Variants in RSRC1 observed in about 807,000 individuals in gnomAD.
RSRC1 encodes serine/Arginine-related protein 53.
RSRC1 carries 39 observed loss-of-function variants against 49.1 expected under a neutral mutation model. The observed-to-expected ratio is 0.79, with a 90% confidence interval of 0.61 to 1.04. The LOEUF is 1.04. Among genes scored for constraint, RSRC1 ranks in the 50% least tolerant of loss-of-function variants. The pLI is 0.00. For synonymous variants in RSRC1, 143 were observed against 130.8 expected, an observed-to-expected ratio of 1.09 and a Z score of -0.63; for missense variants, 388 against 402.4, an observed-to-expected ratio of 0.96 and a Z score of 0.31.
At chr3:158,386,917 A>G (rs7648196) in intron 6 of RSRC1, among the ~76,000 whole-genome samples, 79,168 of 151,754 alleles carry the variant, frequency 0.52, 21,060 homozygotes, top group African/African-American at 0.61. Flanking sequence ...TGGAAATAAA[A>G]TGAATATTTT....
chr3:158,523,518 C>G (rs1711825769), intron 7 of RSRC1, among the ~76,000 whole-genome samples: 1 of 151,978 alleles, frequency 6.6e-6, no homozygotes, highest in Non-Finnish European at 1.5e-5. Flanking sequence ...ATGGAAGCTC[C>G]ATCAAGGTCT....
intron 3 of RSRC1, among the ~76,000 whole-genome samples, chr3:158,138,632 T>C (rs4318510): frequency 0.59 from 90,479 of 152,094 alleles, 27,158 homozygotes; most frequent in East Asian, 0.71. Flanking sequence ...CTTATTGTCA[T>C]AAGATTTCCT....
chr3:158,482,639 A>T (rs2108437766), intron 7 of RSRC1, among the ~76,000 whole-genome samples: 1 of 152,180 alleles, frequency 6.6e-6, no homozygotes, highest in South Asian at 2.1e-4. Flanking sequence ...TGGAACCTCC[A>T]GTGCCATAAA....
At chr3:158,499,533 GT>G (rs1400840945) in intron 7 of RSRC1, among the ~76,000 whole-genome samples, 1 of 152,000 alleles carries the variant, frequency 6.6e-6, no homozygotes, top group Non-Finnish European at 1.5e-5. Flanking sequence ...GTTTCCATTT[GT>G]TTGTGTCATC....
intron 4 of RSRC1, among the ~76,000 whole-genome samples, chr3:158,241,928 G>T (rs1723606044): frequency 6.8e-6 from 1 of 148,034 alleles, no homozygotes; most frequent in Admixed American, 6.7e-5. Flanking sequence ...ATACAATTTA[G>T]TGAATTTTTA....
At chr3:158,409,582 C>G (rs192471439) in intron 6 of RSRC1, among the ~76,000 whole-genome samples, 2 of 152,258 alleles carry the variant, frequency 1.3e-5, no homozygotes, top group East Asian at 3.9e-4. Context: ...TCCCTAAAAG[C>G]AGGAATTTTG....
intron 7 of RSRC1, among the ~76,000 whole-genome samples, chr3:158,514,846 G>T (rs1175063843): frequency 6.6e-6 from 1 of 152,170 alleles, no homozygotes; most frequent in East Asian, 1.9e-4. Context: ...TCTTCTTGTT[G>T]AATTGATCCC....
intron 7 of RSRC1, among the ~76,000 whole-genome samples, chr3:158,499,227 A>G (rs1258027905): frequency 6.6e-6 from 1 of 152,128 alleles, no homozygotes; most frequent in Non-Finnish European, 1.5e-5. Flanking sequence ...AATACAAAAA[A>G]TTAGCCAGGC....
intron 6 of RSRC1, among the ~76,000 whole-genome samples, chr3:158,369,194 A>G (rs970567169): frequency 1.3e-5 from 2 of 152,046 alleles, no homozygotes; most frequent in Non-Finnish European, 2.9e-5. Flanking sequence ...GCCAAGCAAA[A>G]TATTTGGAGT....
intron 7 of RSRC1, among the ~76,000 whole-genome samples, chr3:158,473,472 T>A (rs989628614): frequency 1.3e-5 from 2 of 151,746 alleles, no homozygotes; most frequent in African/African-American, 2.4e-5. Flanking sequence ...ATGAGAACAC[T>A]TGGACACAGG....
chr3:158,312,206 A>C (rs890395219), intron 5 of RSRC1, among the ~76,000 whole-genome samples: 11 of 151,160 alleles, frequency 7.3e-5, no homozygotes, highest in Admixed American at 5.3e-4. Context: ...CTGGTGAGAA[A>C]AGCTGTCACT....
At chr3:158,406,138 A>T (rs1275933588) in intron 6 of RSRC1, among the ~76,000 whole-genome samples, 1 of 152,148 alleles carries the variant, frequency 6.6e-6, no homozygotes, top group African/African-American at 2.4e-5. Flanking sequence ...GATTTCAAGC[A>T]TTGAAATATT....
chr3:158,146,176 G>C (rs1717101196), intron 3 of RSRC1, among the ~76,000 whole-genome samples: 1 of 152,302 alleles, frequency 6.6e-6, no homozygotes, highest in African/African-American at 2.4e-5. Flanking sequence ...TTGAATAGGA[G>C]TGGTGAGAGA....
chr3:158,124,050 A>G (rs1293764551), intron 3 of RSRC1, 59 bp downstream of exon 3: 4 of 1,220,618 alleles, frequency 3.3e-6, no homozygotes, highest in Admixed American at 2.4e-5. Context: ...TCAGCGATGT[A>G]AAGCAACAAT....
chr3:158,472,833 G>A (rs1738196274), intron 7 of RSRC1, among the ~76,000 whole-genome samples: 1 of 152,160 alleles, frequency 6.6e-6, no homozygotes, highest in Non-Finnish European at 1.5e-5. Flanking sequence ...CTGTGCAGAA[G>A]CTCTTTAGTT....
chr3:158,197,602 C>G (rs1158899460), intron 3 of RSRC1, among the ~76,000 whole-genome samples: 1 of 152,076 alleles, frequency 6.6e-6, no homozygotes, highest in Non-Finnish European at 1.5e-5. Flanking sequence ...AATTTTAGAT[C>G]TTTCCTGCTT....
At chr3:158,238,355 G>T (rs547049040) in intron 4 of RSRC1, among the ~76,000 whole-genome samples, 2 of 151,924 alleles carry the variant, frequency 1.3e-5, no homozygotes, top group Non-Finnish European at 2.9e-5. Flanking sequence ...TCACAGAATT[G>T]GAAAAAACTA....
At chr3:158,146,916 G>A (rs914896497) in intron 3 of RSRC1, among the ~76,000 whole-genome samples, 1 of 151,858 alleles carries the variant, frequency 6.6e-6, no homozygotes, top group African/African-American at 2.4e-5. Flanking sequence ...AGCTAAGATT[G>A]GCTTTTTTAT....
At chr3:158,502,352 C>A (rs1739645757) in intron 7 of RSRC1, among the ~76,000 whole-genome samples, 1 of 145,910 alleles carries the variant, frequency 6.9e-6, no homozygotes, top group Non-Finnish European at 1.6e-5. Flanking sequence ...AGGTGATGAT[C>A]TTTTTGCAGT....
Sources: allele counts gnomAD v4.1 joint callset (sites outside exome capture counted in the v4.1 genomes callset), GRCh38; gene constraint gnomAD v4.1.1; transcripts MANE v1.5; gene names NCBI Gene and HGNC (gene_info 2026-07-23, HGNC 2026-07-21).